IFT140: variants seen among roughly 807,000 people sequenced by gnomAD.
IFT140 encodes the protein intraflagellar transport 140.
IFT140 carries 133 observed loss-of-function variants against 164.6 expected under a neutral mutation model. The ratio of observed to expected loss-of-function variants is 0.81; its 90% CI spans 0.70 to 0.93. The LOEUF (loss-of-function observed/expected upper bound fraction) is 0.93, where lower values mean the gene tolerates loss of function less well. Among genes scored for constraint, IFT140 ranks in the 40% least tolerant of loss-of-function variants. The pLI is 0.00. For synonymous variants in IFT140, 860 were observed against 817.3 expected, an observed-to-expected ratio of 1.05 and a Z score of -0.89; for missense variants, 2,045 against 1,972.3, an observed-to-expected ratio of 1.04 and a Z score of -0.70.
chr16:1,544,439 C>A (rs1405531832), intron 19 of IFT140, among the ~76,000 whole-genome samples: 4 of 151,884 alleles, frequency 2.6e-5, no homozygotes, highest in Admixed American at 2.6e-4. Context: ...CCCACCTTGG[C>A]CTCCCAAAGT....
At chr16:1,571,347 C>G (rs894305212) in intron 14 of IFT140, 60 bp downstream of exon 14, 2 of 1,543,450 alleles carry the variant, frequency 1.3e-6, no homozygotes, top group African/African-American at 2.8e-5. Flanking sequence ...TTCTACCCAT[C>G]ACACTGTCTC....
chr16:1,580,769 C>T lies in IFT140; in HGVS notation c.1514G>A (p.Arg505Gln), dbSNP rs867074389. The T allele has an allele frequency of 9.9e-6, 16 of 1,612,906 alleles. No homozygotes were observed. The highest frequency in any genetic ancestry group is 1.6e-4 in the Middle Eastern group (1 of 6,082). ...GGAGCAGCAACTTACCTGCCAGGTTCGAACTTGAACTCGGTTTGACTCCAC... is the reference window on the plus strand; with the variant it reads ...GGAGCAGCAACTTACCTGCCAGGTTTGAACTTGAACTCGGTTTGACTCCAC... ...YTVESNRVQV[R>Q]TWQGTVKQLL... Residue 505 changes from arginine (R) to glutamine (Q), a missense_variant, in exon 13 of 31, where the codon CGA (arginine) becomes CAA (glutamine). By Grantham distance (43) the Arg-to-Gln change is conservative. Transcript: ENST00000426508.
intron 19 of IFT140, among the ~76,000 whole-genome samples, chr16:1,538,968 C>A (rs1191904453): frequency 6.6e-6 from 1 of 152,184 alleles, no homozygotes; most frequent in Non-Finnish European, 1.5e-5. Flanking sequence ...GCAAAAGCGC[C>A]CCCTACCTCA....
chr16:1,598,709 G>C (rs1242727817), intron 4 of IFT140, among the ~76,000 whole-genome samples: 2 of 152,376 alleles, frequency 1.3e-5, no homozygotes, highest in Non-Finnish European at 2.9e-5. Context: ...AAGCCACAGG[G>C]CATGCCCCGG....
chr16:1,513,047 T>C (rs565204903), intron 30 of IFT140: 1 of 152,298 alleles, frequency 6.6e-6, no homozygotes, highest in African/African-American at 2.4e-5. Context: ...CCCAAGCTCA[T>C]TTCTCGATAC....
chr16:1,558,161 G>A (rs2033208342), intron 18 of IFT140, 27 bp from the exon 19 acceptor site: 1 of 1,612,252 alleles, frequency 6.2e-7, no homozygotes, highest in Non-Finnish European at 8.5e-7. Context: ...CCATGTGTTT[G>A]TTAATTCATA....
chr16:1,519,192 C>T (rs539980218), intron 29 of IFT140, among the ~76,000 whole-genome samples: 20 of 152,182 alleles, frequency 1.3e-4, no homozygotes, highest in Non-Finnish European at 2.5e-4. Flanking sequence ...CAAGGGGCAC[C>T]GCTTTGTACG....
At position 1,564,822 on chromosome 16, in the gene IFT140, A is replaced by G. The variant is rs80268288; in HGVS notation, c.1902-660T>C. 6.6e-6 allele frequency among the ~76,000 whole-genome samples: 1 copy of G among 152,136 alleles called. No homozygotes were observed. The highest frequency in any genetic ancestry group is 2.1e-4 in the South Asian group (1 of 4,830). ...CGGGCAGCACGACCCATGGCTGCTGAAGAAGGACAGGACCCGGTGCTGCAG... is the reference window on the plus strand; with the variant it reads ...CGGGCAGCACGACCCATGGCTGCTGGAGAAGGACAGGACCCGGTGCTGCAG... On this transcript the variant is annotated intron_variant, in intron 16 of 30. Coordinates refer to ENST00000426508, the MANE Select transcript of IFT140 (RefSeq NM_014714.4). The surrounding 1 kb of genome is among the most constrained non-coding windows in gnomAD (Gnocchi z 5.5).
At chr16:1,552,050 C>A (rs1425062008) in intron 19 of IFT140, among the ~76,000 whole-genome samples, 1 of 152,146 alleles carries the variant, frequency 6.6e-6, no homozygotes, top group Non-Finnish European at 1.5e-5. Flanking sequence ...GGAGGTTGAC[C>A]CTGGAAGCCA....
chr16:1,517,342 TC>T (rs965743601), intron 30 of IFT140, among the ~76,000 whole-genome samples: 1 of 128,186 alleles, frequency 7.8e-6, no homozygotes, highest in Non-Finnish European at 1.5e-5. Context: ...AGAGTGAGAC[TC>T]CGTCTCCAAA....
chr16:1,562,263 G>C (rs1231427396), intron 17 of IFT140, 147 bp from the exon 18 acceptor site: 5 of 584,804 alleles, frequency 8.5e-6, no homozygotes, highest in Non-Finnish European at 1.4e-5. Flanking sequence ...GCTTTGCTTT[G>C]ATTACACCAC....
chr16:1,517,267 G>A (rs779891236), intron 30 of IFT140, among the ~76,000 whole-genome samples: 8 of 151,676 alleles, frequency 5.3e-5, no homozygotes, highest in African/African-American at 9.7e-5. Context: ...GGAGAATGGC[G>A]TGAACCCAGG....
intron 24 of IFT140, chr16:1,524,281 ATAGGC>A (rs2040608147): frequency 1.6e-6 from 1 of 609,664 alleles, no homozygotes; most frequent in Non-Finnish European, 2.8e-6. Flanking sequence ...CTGCAAGGCC[ATAGGC>A]CGTGAGCAGC....
intron 18 of IFT140, among the ~76,000 whole-genome samples, chr16:1,559,074 C>T (rs371356401): frequency 5.9e-5 from 9 of 152,310 alleles, no homozygotes; most frequent in Middle Eastern, 3.4e-3. Context: ...GCAAAGGCCC[C>T]GAGGCCCTGC....
chr16:1,609,340 G>T (rs928137930), intron 2 of IFT140, among the ~76,000 whole-genome samples: 2 of 152,182 alleles, frequency 1.3e-5, no homozygotes, highest in Non-Finnish European at 2.9e-5. Flanking sequence ...CCTGCCTGGG[G>T]TTTTTCAAGG....
chr16:1,580,632 T>C (rs1395999013), intron 13 of IFT140, 127 bp downstream of exon 13: 1 of 626,712 alleles, frequency 1.6e-6, no homozygotes, highest in African/African-American at 1.9e-5. Context: ...CGGTCTCAGG[T>C]AGTTCTTTAC....
At chr16:1,535,427 A>G (rs372742026) in intron 19 of IFT140, among the ~76,000 whole-genome samples, 64 of 152,230 alleles carry the variant, frequency 4.2e-4, no homozygotes, top group African/African-American at 1.4e-3. Context: ...TGAAACTGTC[A>G]GCAAGGTTTT....
intron 17 of IFT140, among the ~76,000 whole-genome samples, chr16:1,563,101 G>C (rs1196192818): frequency 6.6e-6 from 1 of 151,984 alleles, no homozygotes; most frequent in African/African-American, 2.4e-5. Flanking sequence ...TCTTCCCCGG[G>C]TGTCAGCCCG....
chr16:1,584,360 C>T lies in IFT140; in HGVS notation c.1216G>A (p.Glu406Lys), dbSNP rs755177677. The T allele has an allele frequency of 1.1e-5, 18 of 1,613,010 alleles. No individual in the cohort carries two copies. Among genetic ancestry groups the T allele is most frequent in the Middle Eastern group, 3.3e-4 (2 of 6,084 alleles). ...NSVISVAILS[E>K]RAMSSHFHQQ... The stretch of plus-strand genomic sequence containing the variant: ...TGGAAGTGTGACGACATGGCCCGCT[C>T]GCTGAGGATGGCCACGGAGATGACG... The change falls in exon 11 of 31, where the codon GAG (glutamate) becomes AAG (lysine). Residue 406 changes from glutamate (E) to lysine (K), a missense_variant. By Grantham distance (56) the Glu-to-Lys change is moderately conservative (BLOSUM62 1). Transcript: ENST00000426508.
Sources: allele counts gnomAD v4.1 joint callset (sites outside exome capture counted in the v4.1 genomes callset), GRCh38; gene constraint gnomAD v4.1.1; non-coding constraint Gnocchi (gnomAD v3.1); transcripts MANE v1.5; gene names NCBI Gene and HGNC (gene_info 2026-07-23, HGNC 2026-07-21).